Variants in PCDHA2 observed in about 807,000 individuals in gnomAD.
PCDHA2 encodes the protein protocadherin alpha 2.
Under a neutral mutation model 66.0 loss-of-function variants are expected in PCDHA2, and 58 were observed. That is an observed-to-expected ratio of 0.88 (90% CI 0.71 to 1.09). The LOEUF (loss-of-function observed/expected upper bound fraction) is 1.09. Ranked by LOEUF, PCDHA2 falls within the 50% of genes least tolerant of loss-of-function variation. The pLI is 0.00. For synonymous variants in PCDHA2, 634 were observed against 554.0 expected (o/e 1.14, Z -2.03); for missense variants, 1,267 against 1,242.3 (o/e 1.02, Z -0.30).
At chr5:140,969,149 G>A (rs782510891) in intron 1 of PCDHA2, 89 of 1,614,002 alleles carry the variant, frequency 5.5e-5, no homozygotes, top group Non-Finnish European at 6.8e-5. Context: ...CTGCTACAAG[G>A]CCTGTCTGAC....
rs560247030 is a variant in PCDHA2, at chr5:140,910,414, C to T, written c.2389-68535C>T. On this transcript the variant is annotated intron_variant, in intron 1 of 3. Transcript: ENST00000526136. ...GACTGGCCCCTGCCACCTCGAGATC[C>T]AATTATTCCCATTGCATTTAAGTTT... Among the ~76,000 whole-genome samples the T allele has an allele frequency of 2.6e-5, 4 of 152,258 alleles. No individual in the cohort carries two copies. In the East Asian group the frequency reaches 5.8e-4, roughly 22 times the overall value.
At chr5:140,966,687 G>A in intron 1 of PCDHA2, 1 of 1,340,546 alleles carries the variant, frequency 7.5e-7, no homozygotes, top group East Asian at 2.9e-5. Flanking sequence ...ACGAGCGGAG[G>A]CGGGGCCCGG....
At chr5:140,890,276 TC>T (rs1173106367) in intron 1 of PCDHA2, among the ~76,000 whole-genome samples, 2 of 152,136 alleles carry the variant, frequency 1.3e-5, no homozygotes, top group Non-Finnish European at 2.9e-5. Context: ...CAAGAACCAC[TC>T]AGTTGAGTCA....
At chr5:140,856,842 C>T (rs782696740) in intron 1 of PCDHA2, 1 of 1,592,718 alleles carries the variant, frequency 6.3e-7, no homozygotes, top group South Asian at 1.1e-5. Context: ...CGGCTCAACG[C>T]TTCTGATTCG....
chr5:140,834,229 T>C, intron 1 of PCDHA2: 1 of 716,748 alleles, frequency 1.4e-6, no homozygotes, highest in South Asian at 2.1e-5. Flanking sequence ...CAAAAGGAAG[T>C]CATTCCTTTT....
At chr5:140,858,420 G>C in intron 1 of PCDHA2, 4 of 1,558,504 alleles carry the variant, frequency 2.6e-6, no homozygotes, top group South Asian at 1.1e-5. Context: ...TCTATTGGAG[G>C]GGACCACTCT....
At chr5:140,955,207 G>A (rs2153705473) in intron 1 of PCDHA2, among the ~76,000 whole-genome samples, 1 of 152,290 alleles carries the variant, frequency 6.6e-6, no homozygotes, top group South Asian at 2.1e-4. Context: ...CAATCAAGTA[G>A]CATGATGCCT....
In PCDHA2 at chr5:140,852,924, G is replaced by T. The variant is rs1007993116; in HGVS notation, c.2388+55572G>T. On this transcript the variant is annotated intron_variant, in intron 1 of 3. Transcript: ENST00000526136. The stretch of plus-strand genomic sequence containing the variant: ...GTCAGAGTCTCGCTCTGTTGCCCAG[G>T]CTGGAGTGCAGTGGTGCCATCTTGG... 2.1e-5 allele frequency: 15 copies of T among 707,860 alleles called. 2 individuals are homozygous for T. In the African/African-American group the frequency reaches 2.9e-4, roughly 14 times the overall value. The allele number at this position is 707,860 out of a possible 1,614,324, so 43.8% of individuals were successfully genotyped here.
chr5:140,854,720 C>G (rs2043201249), intron 1 of PCDHA2: 1 of 149,654 alleles, frequency 6.7e-6, no homozygotes, highest in African/African-American at 2.4e-5. Flanking sequence ...AGACAGAAAA[C>G]TCAAGTTTTT....
intron 1 of PCDHA2, among the ~76,000 whole-genome samples, chr5:140,907,687 G>A (rs1554193091): frequency 6.6e-6 from 1 of 152,220 alleles, no homozygotes; most frequent in East Asian, 1.9e-4. Context: ...GCCTTGGTGA[G>A]TGGAAGTCCC....
rs368824382 is a variant in PCDHA2 at position 140,807,628 on chromosome 5, G to T, written c.2388+10276G>T. ...ACCTGTCCATCGCGGAATCCAGGCCGCTTGACTCTCGGTTTCCACTAGAGG... is the reference window on the plus strand; with the variant it reads ...ACCTGTCCATCGCGGAATCCAGGCCTCTTGACTCTCGGTTTCCACTAGAGG... On this transcript the variant is annotated intron_variant, in intron 1 of 3. Coordinates refer to ENST00000526136, the MANE Select transcript of PCDHA2 (RefSeq NM_018905.3). 6 of 1,614,092 alleles carry T rather than the reference G, an allele frequency of 3.7e-6. No homozygotes were observed. The African/African-American group carries it at 4.0e-5, about 11-fold the overall frequency.
At chr5:140,835,979 G>T (rs1774093579) in intron 1 of PCDHA2, 2 of 1,613,412 alleles carry the variant, frequency 1.2e-6, no homozygotes, top group East Asian at 4.5e-5. Context: ...AGCTGTTGCA[G>T]TTCCAGGTGA....
At chr5:140,968,563 T>G in intron 1 of PCDHA2, 1 of 1,614,204 alleles carries the variant, frequency 6.2e-7, no homozygotes, top group South Asian at 1.1e-5. Context: ...GAACTGCCCC[T>G]GCTGGCTACC....
At chr5:140,799,248 C>T (rs1034788869) in intron 1 of PCDHA2, among the ~76,000 whole-genome samples, 7 of 152,016 alleles carry the variant, frequency 4.6e-5, no homozygotes, top group Non-Finnish European at 8.8e-5. Flanking sequence ...TCTTAATAAT[C>T]AGTATGGAGT....
At chr5:140,960,737 G>T (rs2095566221) in intron 1 of PCDHA2, among the ~76,000 whole-genome samples, 1 of 145,230 alleles carries the variant, frequency 6.9e-6, no homozygotes, top group South Asian at 2.2e-4. Context: ...CATGATTTTA[G>T]TCCATGGCTA....
At chr5:140,853,355 C>G (rs1554146557) in intron 1 of PCDHA2, 1 of 981,160 alleles carries the variant, frequency 1.0e-6, no homozygotes, top group African/African-American at 1.8e-5. Context: ...CATGAACTCA[C>G]AGGGATCCAG....
intron 1 of PCDHA2, chr5:140,859,302 A>G (rs1280073821): frequency 4.7e-5 from 6 of 128,898 alleles, no homozygotes; most frequent in Non-Finnish European, 1.1e-4. Context: ...CTTTAGTATG[A>G]ATTAATATTA....
chr5:140,817,956 G>C (rs1766244788), intron 1 of PCDHA2, among the ~76,000 whole-genome samples: 1 of 152,142 alleles, frequency 6.6e-6, no homozygotes, highest in African/African-American at 2.4e-5. Flanking sequence ...TGTTCAATTA[G>C]TGTGTCTTTT....
At chr5:140,960,177 G>C (rs2095530246) in intron 1 of PCDHA2, among the ~76,000 whole-genome samples, 1 of 152,052 alleles carries the variant, frequency 6.6e-6, no homozygotes, top group Non-Finnish European at 1.5e-5. Flanking sequence ...CTTAAGTTAG[G>C]GGTTGCATGT....
Sources: allele counts gnomAD v4.1 joint callset (sites outside exome capture counted in the v4.1 genomes callset), GRCh38; gene constraint gnomAD v4.1.1; transcripts MANE v1.5; gene names NCBI Gene and HGNC (gene_info 2026-07-23, HGNC 2026-07-21).